Variants in CDYL observed in about 807,000 individuals in gnomAD.
CDYL encodes the protein chromodomain Y-like protein.
In CDYL, 8 loss-of-function variants were observed where a neutral mutation model predicts 47.3. The ratio of observed to expected loss-of-function variants is 0.17; its 90% CI spans 0.10 to 0.31. The LOEUF is 0.31. Ranked by LOEUF, CDYL falls within the 10% of genes least tolerant of loss-of-function variation. The probability of loss-of-function intolerance (pLI) is 1.00; values close to 1 mark genes in which losing one functional copy is unlikely to be tolerated. For synonymous variants in CDYL, 266 were observed against 265.0 expected, an observed-to-expected ratio of 1.00 and a Z score of -0.04; for missense variants, 471 against 701.4, an observed-to-expected ratio of 0.67 and a Z score of 3.71.
chr6:4,954,198 C>A lies in CDYL; in HGVS notation c.*142C>A. ...GGAAGCAGGACTGGGAACATCCACG[C>A]TATTTATTATCGAGGAGTTTTAAAG... is the stretch of plus-strand genomic sequence containing the variant. On this transcript the variant is annotated 3_prime_UTR_variant, in exon 7 of 7. Coordinates refer to ENST00000397588, the MANE Select transcript of CDYL (RefSeq NM_004824.4). 3 of 749,090 alleles carry A rather than the reference C, an allele frequency of 4.0e-6. No individual in the cohort carries two copies. The highest frequency in any genetic ancestry group is 6.1e-6 in the Non-Finnish European group (3 of 488,014). 46.4% of individuals were successfully genotyped at this position (749,090 alleles called of 1,614,324 possible). A position where few individuals can be genotyped will look rare whatever the true frequency, so the allele number is the denominator to read the frequency against.
intron 6 of CDYL, among the ~76,000 whole-genome samples, chr6:4,952,817 G>C (rs1048715339): frequency 3.3e-5 from 5 of 152,092 alleles, no homozygotes; most frequent in African/African-American, 1.2e-4. Flanking sequence ...GCTCAGGCTT[G>C]AGTGCAGTGG....
intron 2 of CDYL, among the ~76,000 whole-genome samples, chr6:4,915,904 C>G (rs1437859913): frequency 6.6e-6 from 1 of 152,220 alleles, no homozygotes; most frequent in Non-Finnish European, 1.5e-5. Flanking sequence ...ACCTCCATAT[C>G]TAAACTCAAG....
intron 1 of CDYL, among the ~76,000 whole-genome samples, chr6:4,829,724 G>A (rs990055153): frequency 3.3e-5 from 5 of 152,052 alleles, no homozygotes; most frequent in African/African-American, 1.2e-4. Context: ...CATTTTTCTG[G>A]CTTAAGGGCC....
intron 2 of CDYL, among the ~76,000 whole-genome samples, chr6:4,900,779 G>GTGTGTGTGTATGTATATATATA: frequency 1.9e-5 from 1 of 51,706 alleles, no homozygotes; most frequent in African/African-American, 6.3e-5. Context: ...GTATACGTGT[G>GTGTGTGTGTATGTATATATATA]TATATATATA....
At chr6:4,947,647 C>T (rs1488089869) in intron 5 of CDYL, among the ~76,000 whole-genome samples, 1 of 103,878 alleles carries the variant, frequency 9.6e-6, no homozygotes, top group Non-Finnish European at 2.3e-5. Context: ...TTCTAAACCT[C>T]TCTCTTCACC....
At chr6:4,789,707 C>G (rs1758866654) in intron 1 of CDYL, among the ~76,000 whole-genome samples, 1 of 152,176 alleles carries the variant, frequency 6.6e-6, no homozygotes. Context: ...TGACTTTGCT[C>G]TGTTTCCCTA....
chr6:4,731,960 TATA>T (rs933532814), intron 2 of CDYL, among the ~76,000 whole-genome samples: 9 of 152,236 alleles, frequency 5.9e-5, no homozygotes, highest in African/African-American at 2.2e-4. Context: ...CATTTTATTT[TATA>T]ATATATTCTC....
At chr6:4,909,160 CAGAA>C in intron 2 of CDYL, among the ~76,000 whole-genome samples, 1 of 152,244 alleles carries the variant, frequency 6.6e-6, no homozygotes, top group African/African-American at 2.4e-5. Flanking sequence ...GGAACTCATC[CAGAA>C]AGAAAGGAGA....
At chr6:4,764,254 A>G (rs1254278536) in intron 3 of CDYL, among the ~76,000 whole-genome samples, 1 of 152,218 alleles carries the variant, frequency 6.6e-6, no homozygotes, top group Non-Finnish European at 1.5e-5. Flanking sequence ...CTATCATACA[A>G]ACACAAAAGA....
intron 2 of CDYL, among the ~76,000 whole-genome samples, chr6:4,731,004 C>T (rs903158606): frequency 6.6e-6 from 1 of 152,194 alleles, no homozygotes; most frequent in African/African-American, 2.4e-5. Flanking sequence ...TTGTTTGCTG[C>T]TTCTTTGCAT....
chr6:4,857,616 T>C (rs546152391), intron 1 of CDYL, among the ~76,000 whole-genome samples: 16 of 152,250 alleles, frequency 1.1e-4, no homozygotes, highest in Non-Finnish European at 2.4e-4. Flanking sequence ...TGTGTGTGGA[T>C]GCTTTCTAAA....
chr6:4,944,065 A>G (rs9405787), intron 5 of CDYL, among the ~76,000 whole-genome samples: 148,088 of 152,330 alleles, frequency 0.97, 72,128 homozygotes, highest in Middle Eastern at 1. Context: ...TAACTTAAAA[A>G]CTGCACTTTT....
At chr6:4,899,093 A>G (rs1394571894) in intron 2 of CDYL, among the ~76,000 whole-genome samples, 5 of 152,184 alleles carry the variant, frequency 3.3e-5, no homozygotes, top group East Asian at 3.8e-4. Context: ...TTTTGACAAC[A>G]GTTTTTAGTC....
intron 3 of CDYL, among the ~76,000 whole-genome samples, chr6:4,769,571 G>C (rs1025318422): frequency 6.6e-6 from 1 of 152,042 alleles, no homozygotes; most frequent in African/African-American, 2.4e-5. Context: ...TCAAAATGTT[G>C]ATCTCTCGCA....
At chr6:4,902,250 T>C (rs982569062) in intron 2 of CDYL, among the ~76,000 whole-genome samples, 7 of 146,244 alleles carry the variant, frequency 4.8e-5, no homozygotes, top group Non-Finnish European at 1.1e-4. Flanking sequence ...AAAAAAAAAA[T>C]ACAAAATTAG....
chr6:4,721,058 A>G (rs762419570), intron 2 of CDYL, among the ~76,000 whole-genome samples: 2 of 150,570 alleles, frequency 1.3e-5, no homozygotes, highest in Non-Finnish European at 2.9e-5. Context: ...TGAGGAGCTA[A>G]AAAATACCAA....
chr6:4,886,466 G>A (rs1761903253), intron 1 of CDYL, among the ~76,000 whole-genome samples: 1 of 152,170 alleles, frequency 6.6e-6, no homozygotes, highest in Non-Finnish European at 1.5e-5. Flanking sequence ...GCATTTCCCC[G>A]ATGGCTAATG....
chr6:4,874,591 G>T (rs1406896545), intron 1 of CDYL, among the ~76,000 whole-genome samples: 1 of 152,192 alleles, frequency 6.6e-6, no homozygotes, highest in Non-Finnish European at 1.5e-5. Context: ...ATGAGATATG[G>T]CTTACGTACA....
At chr6:4,778,648 A>G (rs113334779) in intron 1 of CDYL, among the ~76,000 whole-genome samples, 2,592 of 152,316 alleles carry the variant, frequency 0.017, 68 homozygotes, top group African/African-American at 0.06. Flanking sequence ...GCACAATTGA[A>G]CTTTTGATTC....
Sources: allele counts gnomAD v4.1 joint callset (sites outside exome capture counted in the v4.1 genomes callset), GRCh38; gene constraint gnomAD v4.1.1; transcripts MANE v1.5; gene names NCBI Gene and HGNC (gene_info 2026-07-23, HGNC 2026-07-21).